TRAPPC9: variants seen among roughly 807,000 people sequenced by gnomAD.
The protein encoded by TRAPPC9 is IKK2 binding protein.
TRAPPC9 carries 83 observed loss-of-function variants against 124.0 expected under a neutral mutation model. The observed-to-expected ratio is 0.67, with a 90% CI of 0.56 to 0.80. The LOEUF (loss-of-function observed/expected upper bound fraction) is 0.80. Among genes scored for constraint, TRAPPC9 ranks in the 30% least tolerant of loss-of-function variants. The pLI is 0.00. For synonymous variants in TRAPPC9, 638 were observed against 617.5 expected, an observed-to-expected ratio of 1.03 and a Z score of -0.49; for missense variants, 1,302 against 1,508.3, an observed-to-expected ratio of 0.86 and a Z score of 2.27.
At chr8:139,754,073 T>C (rs1396156623) in intron 21 of TRAPPC9, among the ~76,000 whole-genome samples, 3 of 152,208 alleles carry the variant, frequency 2.0e-5, no homozygotes, top group Non-Finnish European at 4.4e-5. Context: ...AGTGTGTTCT[T>C]AGCTCAGGCT....
At chr8:139,953,814 A>C (rs1834813439) in intron 19 of TRAPPC9, among the ~76,000 whole-genome samples, 1 of 152,240 alleles carries the variant, frequency 6.6e-6, no homozygotes, top group South Asian at 2.1e-4. Context: ...TCATATGATA[A>C]AAATATATCA....
At chr8:140,105,011 C>T (rs1448510572) in intron 17 of TRAPPC9, among the ~76,000 whole-genome samples, 2 of 152,194 alleles carry the variant, frequency 1.3e-5, no homozygotes, top group Non-Finnish European at 2.9e-5. Flanking sequence ...ACAGCCCAAA[C>T]GTACTCAGCC....
intron 9 of TRAPPC9, among the ~76,000 whole-genome samples, chr8:140,325,370 A>G (rs760819390): frequency 7.9e-5 from 12 of 152,244 alleles, no homozygotes; most frequent in Non-Finnish European, 1.3e-4. Context: ...AAGAAAATCA[A>G]CAAAGTCAAT....
chr8:140,070,345 C>T lies in TRAPPC9; in HGVS notation c.2557-46266G>A, dbSNP rs1346655233. 2.0e-5 allele frequency among the ~76,000 whole-genome samples: 3 copies of T among 152,278 alleles called. No homozygotes were observed. In the East Asian group the frequency reaches 5.8e-4, roughly 29 times the overall value. ...CTTCTTAAGACATTGTACCAACTTA[C>T]ATTGGCAACAGAAACATATTCATAT... On this transcript the variant is annotated intron_variant, in intron 17 of 22. Coordinates refer to ENST00000438773, the MANE Select transcript of TRAPPC9 (RefSeq NM_001160372.4).
chr8:140,152,235 T>TAAAAAAAAAAAAA (rs71320343), intron 17 of TRAPPC9, among the ~76,000 whole-genome samples: 1 of 106,710 alleles, frequency 9.4e-6, no homozygotes, highest in African/African-American at 3.6e-5. Flanking sequence ...ACTTAAGCTT[T>TAAAAAAAAAAAAA]AAAAAAAAAA....
At chr8:140,400,575 T>C (rs1237069755) in intron 6 of TRAPPC9, among the ~76,000 whole-genome samples, 1 of 152,230 alleles carries the variant, frequency 6.6e-6, no homozygotes, top group Admixed American at 6.5e-5. Flanking sequence ...TCTCAGTTCC[T>C]ATTATGGTTC....
At chr8:139,981,572 G>C (rs1587405681) in intron 19 of TRAPPC9, among the ~76,000 whole-genome samples, 2 of 152,210 alleles carry the variant, frequency 1.3e-5, no homozygotes, top group African/African-American at 2.4e-5. Flanking sequence ...TGATTCACAA[G>C]GTTCTTTGGA....
At chr8:140,247,217 A>G (rs867125300) in intron 16 of TRAPPC9, among the ~76,000 whole-genome samples, 9 of 152,224 alleles carry the variant, frequency 5.9e-5, no homozygotes, top group Admixed American at 5.2e-4. Flanking sequence ...TCAAGAAATC[A>G]TGAGAATTTA....
chr8:140,076,138 T>G (rs1843495120), intron 17 of TRAPPC9, among the ~76,000 whole-genome samples: 1 of 152,202 alleles, frequency 6.6e-6, no homozygotes, highest in Admixed American at 6.5e-5. Context: ...CAACCACTCT[T>G]AAGCACTGTA....
chr8:139,966,553 G>C (rs1835721036), intron 19 of TRAPPC9, among the ~76,000 whole-genome samples: 1 of 152,218 alleles, frequency 6.6e-6, no homozygotes, highest in Non-Finnish European at 1.5e-5. Flanking sequence ...TGTTTCTTGT[G>C]TTAAATGGGT....
At chr8:139,932,094 G>A (rs1031031498) in intron 19 of TRAPPC9, 19 of 352,432 alleles carry the variant, frequency 5.4e-5, no homozygotes, top group Admixed American at 1.1e-4. Context: ...AGAAGAGGCC[G>A]CAGAGGTGTT....
intron 21 of TRAPPC9, among the ~76,000 whole-genome samples, chr8:139,771,357 C>T (rs1820946574): frequency 6.6e-6 from 1 of 152,070 alleles, no homozygotes; most frequent in Non-Finnish European, 1.5e-5. Flanking sequence ...CATTTCTAGC[C>T]AATCATGAAG....
At chr8:140,081,243 G>A (rs1843796410) in intron 17 of TRAPPC9, among the ~76,000 whole-genome samples, 1 of 152,030 alleles carries the variant, frequency 6.6e-6, no homozygotes, top group Non-Finnish European at 1.5e-5. Context: ...CCATCAGCCT[G>A]GAATCCCAGC....
At chr8:140,136,086 C>T (rs916810738) in intron 17 of TRAPPC9, among the ~76,000 whole-genome samples, 3 of 152,150 alleles carry the variant, frequency 2.0e-5, no homozygotes, top group Non-Finnish European at 4.4e-5. Flanking sequence ...TCCATTTTCA[C>T]ATCTGTTATG....
chr8:140,322,069 ACCCTGTGGAAGGCTGGGGGCAG>A (rs1210885025), intron 9 of TRAPPC9, among the ~76,000 whole-genome samples: 1 of 152,204 alleles, frequency 6.6e-6, no homozygotes, highest in Non-Finnish European at 1.5e-5. Flanking sequence ...GCAAGGCAGT[ACCCTGTGGAAGGCTGGGGGCAG>A]GACCAAGAGA....
chr8:140,359,983 A>C (rs2132173055), intron 9 of TRAPPC9, 67 bp downstream of exon 9: 1 of 1,607,772 alleles, frequency 6.2e-7, no homozygotes, highest in East Asian at 2.2e-5. Context: ...GTTTACATGA[A>C]CCAGCATCTA....
chr8:140,443,873 C>A (rs2071137197), intron 2 of TRAPPC9, among the ~76,000 whole-genome samples: 1 of 151,116 alleles, frequency 6.6e-6, no homozygotes, highest in African/African-American at 2.4e-5. Flanking sequence ...CCCATCTCTA[C>A]TAAAAACACA....
At chr8:140,207,553 T>C (rs189703664) in intron 17 of TRAPPC9, among the ~76,000 whole-genome samples, 6 of 152,346 alleles carry the variant, frequency 3.9e-5, no homozygotes, top group Non-Finnish European at 7.4e-5. Flanking sequence ...TGTCTTCACA[T>C]GGATCATGCT....
chr8:140,253,246 A>C (rs1259832753), intron 15 of TRAPPC9, among the ~76,000 whole-genome samples: 1 of 152,166 alleles, frequency 6.6e-6, no homozygotes, highest in Non-Finnish European at 1.5e-5. Flanking sequence ...GCTCTTATAA[A>C]CTAAATCAGA....
Sources: allele counts gnomAD v4.1 joint callset (sites outside exome capture counted in the v4.1 genomes callset), GRCh38; gene constraint gnomAD v4.1.1; transcripts MANE v1.5; gene names NCBI Gene and HGNC (gene_info 2026-07-23, HGNC 2026-07-21).